RHBDF1: variants seen among roughly 807,000 people sequenced by gnomAD.
RHBDF1 encodes rhomboid 5 homolog 1.
RHBDF1 carries 80 observed loss-of-function variants against 98.6 expected under a neutral mutation model. The observed-to-expected ratio is 0.81, with a 90% CI of 0.68 to 0.98. The LOEUF (loss-of-function observed/expected upper bound fraction) is 0.98. RHBDF1 is among the 50% of genes least tolerant of loss of function. The probability of loss-of-function intolerance (pLI) is 0.00; values close to 1 mark genes in which losing one functional copy is unlikely to be tolerated. For synonymous variants in RHBDF1, 512 were observed against 486.8 expected (o/e 1.05, Z -0.68); for missense variants, 1,116 against 1,198.3 (o/e 0.93, Z 1.01).
intron 3 of RHBDF1, chr16:64,045 C>T: frequency 1.5e-6 from 1 of 671,282 alleles, no homozygotes; most frequent in Non-Finnish European, 2.7e-6. Context: ...CATAGAGGCC[C>T]TCACCCCACC....
intron 14 of RHBDF1, 105 bp from the exon 15 acceptor site, chr16:59,599 G>A (rs1246863526): frequency 6.8e-7 from 1 of 1,475,858 alleles, no homozygotes; most frequent in Non-Finnish European, 9.2e-7. Context: ...TGGCCCCAAG[G>A]AAGTCCAGAC....
At chr16:67,188 G>A (rs1327432563) in intron 1 of RHBDF1, among the ~76,000 whole-genome samples, 7 of 152,250 alleles carry the variant, frequency 4.6e-5, no homozygotes, top group Non-Finnish European at 2.9e-5. Flanking sequence ...ACGTTGGGAA[G>A]GCAGGTGGTG....
upstream of RHBDF1, chr16:74,053 A>G (rs1898041594): frequency 6.8e-6 from 4 of 584,420 alleles, no homozygotes; most frequent in Non-Finnish European, 6.5e-6. Flanking sequence ...AGAAGGAGAC[A>G]ATGGAAGCTT....
At chr16:72,651 G>A (rs1898009670), upstream of RHBDF1, 31 of 825,978 alleles carry the variant, frequency 3.8e-5, no homozygotes, top group Non-Finnish European at 4.0e-5. Context: ...AGGGGCGTGC[G>A]CCCGGGGGCG....
chr16:58,971 T>TA lies in RHBDF1; in HGVS notation c.2148+2dup. ...GGATCCCCACCCTGAGGGCCAGCCT[T>TA]ACCTCTGCTCGGTATGGCAGGAAGA... On this transcript the variant is annotated splice_region_variant and intron_variant, in intron 17 of 17. Coordinates refer to ENST00000262316, the MANE Select transcript of RHBDF1 (RefSeq NM_022450.5). 6.2e-7 allele frequency: 1 copy of TA among 1,613,042 alleles called. No homozygotes were observed. Among genetic ancestry groups the TA allele is most frequent in the Non-Finnish European group, 8.5e-7 (1 of 1,179,940 alleles).
rs757692712 is a variant in RHBDF1, at chr16:61,642, G to A, written c.1263C>T (p.Ala421=). 6.8e-6 allele frequency: 11 copies of A among 1,613,540 alleles called. No homozygotes were observed. Among genetic ancestry groups the A allele is most frequent in the South Asian group, 6.6e-5 (6 of 91,076 alleles). The change falls in exon 9 of 18, where the codon GCC becomes GCT. Residue 421 remains alanine, a synonymous_variant. Coordinates refer to ENST00000262316, the MANE Select transcript of RHBDF1 (RefSeq NM_022450.5). ...TFVHSLVTIL[A]VCIYGIAPVG... ...CGGGCGCGATGCCATAGATGCACACGGCTAGGATGGTGACGAGCGAGTGCA... is the reference window on the plus strand; with the variant it reads ...CGGGCGCGATGCCATAGATGCACACAGCTAGGATGGTGACGAGCGAGTGCA...
chr16:66,173 G>A (rs1897825511), intron 1 of RHBDF1, among the ~76,000 whole-genome samples: 1 of 152,208 alleles, frequency 6.6e-6, no homozygotes, highest in African/African-American at 2.4e-5. Context: ...CAGAGCTGAA[G>A]CAATTTTGGA....
At chr16:70,341 C>T (rs978292802) in intron 1 of RHBDF1, among the ~76,000 whole-genome samples, 1 of 152,206 alleles carries the variant, frequency 6.6e-6, no homozygotes, top group African/African-American at 2.4e-5. Flanking sequence ...ATCCCCTGCA[C>T]ACGTCTGGCC....
At chr16:64,221 C>T (rs1253383220) in intron 3 of RHBDF1, 1 of 1,318,608 alleles carries the variant, frequency 7.6e-7, no homozygotes, top group African/African-American at 1.5e-5. Context: ...ACACTGCCAG[C>T]ACCTGCCGTT....
intron 1 of RHBDF1, among the ~76,000 whole-genome samples, chr16:66,230 G>A (rs1388680535): frequency 6.6e-6 from 1 of 152,154 alleles, no homozygotes; most frequent in Non-Finnish European, 1.5e-5. Flanking sequence ...TGCAGCCTCT[G>A]ACAGGCTCGG....
At chr16:59,388 G>A (rs756253614) in intron 15 of RHBDF1, 31 bp downstream of exon 15, 10 of 1,612,406 alleles carry the variant, frequency 6.2e-6, no homozygotes, top group Middle Eastern at 1.6e-4. Context: ...GTAGCTGGGG[G>A]AGGGGAACGA....
intron 4 of RHBDF1, 50 bp downstream of exon 4, chr16:63,537 C>T: frequency 3.4e-6 from 5 of 1,451,998 alleles, no homozygotes; most frequent in Non-Finnish European, 4.6e-6. Flanking sequence ...AGCCCCAGCC[C>T]CTGAGAGCGG....
rs149482835 is a variant in RHBDF1 at position 62,595 on chromosome 16, G to A, written c.896C>T (p.Ala299Val). The change falls in exon 7 of 18, where the codon GCG becomes GTG. Residue 299 changes from alanine to valine, a missense_variant. By Grantham distance (64) the Ala-to-Val change is moderately conservative (BLOSUM62 0). Coordinates refer to ENST00000262316, the MANE Select transcript of RHBDF1 (RefSeq NM_022450.5). Reference sequence around the variant, plus strand: ...GTCCAGGGCCCCGCCGGTGAGGTCCGCCTGCTCCGGTGCCTTCTCCCAGTC... The same window carrying A: ...GTCCAGGGCCCCGCCGGTGAGGTCCACCTGCTCCGGTGCCTTCTCCCAGTC... ...LKDWEKAPEQADLTGGALDRS... is the reference protein window; with the variant it reads ...LKDWEKAPEQVDLTGGALDRS... The A allele has an allele frequency of 6.6e-3, 10,692 of 1,613,732 alleles. 37 individuals are homozygous for A. The highest frequency in any genetic ancestry group is 8.7e-3 in the Middle Eastern group (53 of 6,062).
Position 61,460 on chromosome 16 carries a change from C to G in RHBDF1, c.1321-1G>C. The G allele has an allele frequency of 6.2e-7, 1 of 1,612,498 alleles. No homozygotes were observed. The highest frequency in any genetic ancestry group is 8.5e-7 in the Non-Finnish European group (1 of 1,179,794). ...CGTAGACCCCGCGGTTCCGCAGCAC[C>G]TGGGAGGTTGGGGAGCGGGATCAGA... On this transcript the variant is annotated splice_acceptor_variant, in intron 9 of 17. Transcript: ENST00000262316. LOFTEE classifies it high-confidence loss of function.
intron 3 of RHBDF1, 182 bp from the exon 4 acceptor site, chr16:63,982 G>A: frequency 1.3e-6 from 1 of 743,082 alleles, no homozygotes; most frequent in East Asian, 2.7e-5. Flanking sequence ...TGAACTGTTA[G>A]CCAACTCCAA....
chr16:63,805 C>T lies in RHBDF1; in HGVS notation c.249-5G>A, dbSNP rs1260762684. Reference sequence around the variant, plus strand: ...CCAAACCAGTCGGCGGTCCCCCTGGCATGGCAGGGACTCAGCAAGGGGCGG... The same window carrying T: ...CCAAACCAGTCGGCGGTCCCCCTGGTATGGCAGGGACTCAGCAAGGGGCGG... On this transcript the variant is annotated splice_region_variant and splice_polypyrimidine_tract_variant and intron_variant, in intron 3 of 17. Transcript: ENST00000262316. 1.9e-6 allele frequency: 3 copies of T among 1,612,210 alleles called. No homozygotes were observed. Among genetic ancestry groups the T allele is most frequent in the Non-Finnish European group, 2.5e-6 (3 of 1,179,012 alleles).
rs1898002200 is a variant in RHBDF1, at chr16:72,525, G to GA, written c.-38_-37insT. ...CGCGCTCACTCACTGCCGCCGCCGG[G>GA]GGCTCTGGGGGGTCCTGAGGGCGCC... On this transcript the variant is annotated 5_prime_UTR_variant, in exon 1 of 18. Transcript: ENST00000262316. 4.8e-6 allele frequency: 4 copies of GA among 831,288 alleles called. No homozygotes were observed. The highest frequency in any genetic ancestry group is 5.3e-6 in the Non-Finnish European group (4 of 760,018). 51.5% of individuals were successfully genotyped at this position (831,288 alleles called of 1,614,324 possible).
At chr16:59,540 G>A (rs1165369059) in intron 14 of RHBDF1, 46 bp from the exon 15 acceptor site, 3 of 1,582,744 alleles carry the variant, frequency 1.9e-6, no homozygotes, top group Non-Finnish European at 2.6e-6. Flanking sequence ...TTGCAGAGGG[G>A]GATTGCTGGC....
chr16:73,404 A>G (rs553884878), upstream of RHBDF1, among the ~76,000 whole-genome samples: 2 of 151,894 alleles, frequency 1.3e-5, no homozygotes, highest in African/African-American at 4.8e-5. Flanking sequence ...TCTGGTGTCC[A>G]CTCTGGGCTC....
Sources: gnomAD v4.1 joint callset for allele counts (sites outside exome capture counted in the v4.1 genomes callset) on GRCh38, gnomAD v4.1.1 for gene constraint, MANE v1.5 for transcripts, NCBI Gene and HGNC (gene_info 2026-07-23, HGNC 2026-07-21) for gene names.